FKBP5: variants seen among roughly 807,000 people sequenced by gnomAD.
FKBP5 encodes FKBP prolyl isomerase 5.
In FKBP5, 23 loss-of-function variants were observed where a neutral mutation model predicts 50.5. The ratio of observed to expected loss-of-function variants is 0.46; its 90% CI spans 0.33 to 0.65. The LOEUF is 0.65. Among genes scored for constraint, FKBP5 ranks in the 30% least tolerant of loss-of-function variants. The pLI is 0.02. For missense variants in FKBP5, 411 were observed against 553.1 expected (o/e 0.74, Z 2.58); for synonymous variants, 176 against 190.6 (o/e 0.92, Z 0.63).
intron 1 of FKBP5, among the ~76,000 whole-genome samples, chr6:35,671,277 AAT>A (rs1229874724): frequency 1.3e-4 from 20 of 148,192 alleles, no homozygotes; most frequent in African/African-American, 5.0e-4. Context: ...AAAAAAAAAA[AAT>A]AATAAATAAA....
At chr6:35,723,300 G>A (rs1193491864) in intron 1 of FKBP5, among the ~76,000 whole-genome samples, 1 of 151,978 alleles carries the variant, frequency 6.6e-6, no homozygotes, top group Non-Finnish European at 1.5e-5. Flanking sequence ...CCAGGCACAG[G>A]TGTAGGACTT....
At chr6:35,657,695 C>A (rs372101120) in intron 1 of FKBP5, among the ~76,000 whole-genome samples, 5 of 152,070 alleles carry the variant, frequency 3.3e-5, no homozygotes, top group Non-Finnish European at 5.9e-5. Flanking sequence ...TCTCTACCAC[C>A]GATACCTAAT....
At chr6:35,589,498 T>C (rs1304916949) in intron 7 of FKBP5, among the ~76,000 whole-genome samples, 2 of 152,082 alleles carry the variant, frequency 1.3e-5, no homozygotes, top group Admixed American at 6.6e-5. Context: ...TATACCTTCA[T>C]GTGATTTCAA....
At chr6:35,621,584 C>T (rs1763842856) in intron 3 of FKBP5, among the ~76,000 whole-genome samples, 1 of 150,180 alleles carries the variant, frequency 6.7e-6, no homozygotes, top group African/African-American at 2.5e-5. Context: ...TGCCACTGCA[C>T]TCCAGCCTGG....
intron 6 of FKBP5, among the ~76,000 whole-genome samples, chr6:35,592,791 T>C (rs1762861272): frequency 6.6e-6 from 1 of 152,176 alleles, no homozygotes; most frequent in Admixed American, 6.5e-5. Flanking sequence ...TTGTCACAAC[T>C]ATGGGGGTGC....
chr6:35,663,614 C>A (rs539933246), intron 1 of FKBP5, among the ~76,000 whole-genome samples: 1 of 152,294 alleles, frequency 6.6e-6, no homozygotes, highest in African/African-American at 2.4e-5. Context: ...CAGTGGCCTT[C>A]TTGCTGCCCC....
intron 1 of FKBP5, chr6:35,651,895 C>A: frequency 8.6e-7 from 1 of 1,161,942 alleles, no homozygotes; most frequent in Non-Finnish European, 1.1e-6. Context: ...TCTTTTGCAA[C>A]CCAGAACTCA....
chr6:35,590,499 T>A (rs1233501427), intron 7 of FKBP5, among the ~76,000 whole-genome samples: 2 of 151,730 alleles, frequency 1.3e-5, no homozygotes, highest in Non-Finnish European at 2.9e-5. Flanking sequence ...GCCTCCAGAG[T>A]GAAACTGAGA....
At chr6:35,727,897 A>G (rs1766751879) in intron 1 of FKBP5, among the ~76,000 whole-genome samples, 1 of 152,098 alleles carries the variant, frequency 6.6e-6, no homozygotes, top group African/African-American at 2.4e-5. Context: ...GCAGGGGCAA[A>G]TGGGGGATGG....
chr6:35,720,097 C>G (rs894129391), intron 2 of FKBP5, among the ~76,000 whole-genome samples: 1 of 152,190 alleles, frequency 6.6e-6, no homozygotes, highest in Non-Finnish European at 1.5e-5. Flanking sequence ...GATCTGAGAA[C>G]CCTGGCTGTG....
At chr6:35,653,368 G>T (rs191829932) in intron 1 of FKBP5, among the ~76,000 whole-genome samples, 2 of 152,222 alleles carry the variant, frequency 1.3e-5, no homozygotes, top group African/African-American at 4.8e-5. Flanking sequence ...AAAAAAGATG[G>T]ATTCTAGGAC....
chr6:35,683,470 C>T (rs1765738109), intron 1 of FKBP5, among the ~76,000 whole-genome samples: 1 of 144,562 alleles, frequency 6.9e-6, no homozygotes, highest in African/African-American at 2.5e-5. Flanking sequence ...TATATATATA[C>T]TTTTTTTTTT....
chr6:35,701,486 G>A (rs1167803935), intron 2 of FKBP5, among the ~76,000 whole-genome samples: 6 of 151,694 alleles, frequency 4.0e-5, no homozygotes, highest in South Asian at 2.1e-4. Flanking sequence ...CTCGTGATCC[G>A]CCCGCCTCGG....
intron 3 of FKBP5, among the ~76,000 whole-genome samples, chr6:35,623,352 A>G (rs1763904945): frequency 6.6e-6 from 1 of 152,236 alleles, no homozygotes; most frequent in Admixed American, 6.5e-5. Flanking sequence ...CATCATAATA[A>G]ATGCAAATAG....
In FKBP5 at chr6:35,725,797, G is replaced by A. The variant is rs773491220; in HGVS notation, c.-241+2711C>T. Among the ~76,000 whole-genome samples the A allele has an allele frequency of 7.0e-4, 106 of 152,174 alleles. 1 individual carries two copies. The highest frequency in any genetic ancestry group is 2.1e-4 in the Non-Finnish European group (14 of 68,038). On this transcript the variant is annotated intron_variant, in intron 1 of 11. Transcript: ENST00000536438. ...ACACACGGTACATTCCGGTCCCAGC[G>A]TAACAAACTGTACCAGCCTTTTTGA...
chr6:35,651,753 A>T (rs997645775), intron 1 of FKBP5: 7 of 176,486 alleles, frequency 4.0e-5, no homozygotes, highest in Non-Finnish European at 6.9e-5. Flanking sequence ...TCCACACCTA[A>T]TACTTGTTTT....
At position 35,575,442 on chromosome 6, in the gene FKBP5, AT is replaced by A. The variant is rs111803919; in HGVS notation, c.*392del. The A allele has an allele frequency of 0.069, 11,484 of 165,650 alleles. 769 individuals carry two copies. The highest frequency in any genetic ancestry group is 0.19 in the African/African-American group (7,945 of 41,698). 10.3% of individuals were successfully genotyped at this position (165,650 alleles called of 1,614,324 possible). ...GTAGGAAAGGAGAAATTCATGAAGCATTTTTTTTTTAAAGGTTTCTGCAGTG... is the reference window on the plus strand; with the variant it reads ...GTAGGAAAGGAGAAATTCATGAAGCATTTTTTTTTAAAGGTTTCTGCAGTG... On this transcript the variant is annotated 3_prime_UTR_variant, in exon 11 of 11. Coordinates refer to ENST00000357266, the MANE Select transcript of FKBP5 (RefSeq NM_004117.4).
chr6:35,720,738 C>T (rs934355369), intron 1 of FKBP5, among the ~76,000 whole-genome samples: 1 of 152,154 alleles, frequency 6.6e-6, no homozygotes, highest in Non-Finnish European at 1.5e-5. Context: ...GTCTTGGGTC[C>T]CCAGCTCCTT....
At chr6:35,647,897 T>G (rs1314651135) in intron 1 of FKBP5, among the ~76,000 whole-genome samples, 3 of 152,230 alleles carry the variant, frequency 2.0e-5, no homozygotes, top group Non-Finnish European at 4.4e-5. Flanking sequence ...TTGCAGAATC[T>G]CCAGAAAAAT....
Sources: allele counts gnomAD v4.1 joint callset (sites outside exome capture counted in the v4.1 genomes callset), GRCh38; gene constraint gnomAD v4.1.1; transcripts MANE v1.5; gene names NCBI Gene and HGNC (gene_info 2026-07-23, HGNC 2026-07-21).